Variants in BRINP1 observed in about 807,000 individuals in gnomAD.
BRINP1 encodes BMP/retinoic acid-inducible neural-specific protein 1.
A neutral mutation model predicts 72.9 loss-of-function variants in BRINP1; 17 were observed. The observed-to-expected ratio is 0.23, with a 90% CI of 0.16 to 0.35. The LOEUF is 0.35. Ranked by LOEUF, BRINP1 falls within the 10% of genes least tolerant of loss-of-function variation. The pLI is 1.00. For missense variants in BRINP1, 850 were observed against 1,001.6 expected (o/e 0.85, Z 2.04); for synonymous variants, 418 against 378.5 (o/e 1.10, Z -1.21).
chr9:119,198,172 T>C (rs971751267), intron 7 of BRINP1, among the ~76,000 whole-genome samples: 1 of 152,254 alleles, frequency 6.6e-6, no homozygotes, highest in Non-Finnish European at 1.5e-5. Flanking sequence ...TGCATTTATA[T>C]GTTTTTAAGT....
chr9:119,291,122 CA>C (rs66505860), intron 2 of BRINP1, among the ~76,000 whole-genome samples: 37,867 of 120,988 alleles, frequency 0.31, 5,636 homozygotes, highest in Non-Finnish European at 0.4. Flanking sequence ...AACTCCATCT[CA>C]AAAAAAAAAA....
intron 5 of BRINP1, among the ~76,000 whole-genome samples, chr9:119,225,316 A>G (rs925053493): frequency 9.9e-5 from 15 of 152,018 alleles, no homozygotes; most frequent in African/African-American, 3.4e-4. Flanking sequence ...TTGATTTGAA[A>G]TACAGTTATC....
chr9:119,262,706 G>C (rs1588182245), intron 2 of BRINP1, among the ~76,000 whole-genome samples: 1 of 150,016 alleles, frequency 6.7e-6, no homozygotes, highest in Non-Finnish European at 1.5e-5. Flanking sequence ...TGGACTGTGG[G>C]CACAGGCATA....
intron 6 of BRINP1, 63 bp from the exon 7 acceptor site, chr9:119,209,004 T>C: frequency 7.2e-7 from 1 of 1,385,302 alleles, no homozygotes; most frequent in Non-Finnish European, 1.0e-6. Context: ...TAAAGTGGCC[T>C]TGAATGCTTA....
At chr9:119,356,171 C>A (rs1017520507) in intron 1 of BRINP1, among the ~76,000 whole-genome samples, 2 of 152,068 alleles carry the variant, frequency 1.3e-5, no homozygotes, top group Non-Finnish European at 2.9e-5. Flanking sequence ...TGCTTGCTGT[C>A]TCCACCTGGA....
At chr9:119,206,419 CAAAAAAAAAAAAA>C (rs56106482) in intron 7 of BRINP1, among the ~76,000 whole-genome samples, 1 of 87,178 alleles carries the variant, frequency 1.1e-5, no homozygotes, top group Non-Finnish European at 2.3e-5. Context: ...GACTCCATCT[CAAAAAAAAAAAAA>C]AAAAAAAAAG....
At chr9:119,205,625 C>A (rs1260118130) in intron 7 of BRINP1, among the ~76,000 whole-genome samples, 2 of 152,068 alleles carry the variant, frequency 1.3e-5, no homozygotes, top group Admixed American at 1.3e-4. Flanking sequence ...CAGCTTTGTC[C>A]CTCCTTCTTC....
intron 2 of BRINP1, among the ~76,000 whole-genome samples, chr9:119,307,100 T>C (rs938704336): frequency 1.3e-5 from 2 of 151,928 alleles, no homozygotes; most frequent in East Asian, 1.9e-4. Flanking sequence ...CTATGCATTG[T>C]AAGGTATTTA....
chr9:119,210,889 T>C (rs1829916416), intron 6 of BRINP1, among the ~76,000 whole-genome samples: 1 of 152,120 alleles, frequency 6.6e-6, no homozygotes, highest in African/African-American at 2.4e-5. Context: ...CCTAACTAGT[T>C]CCTGAGACAC....
At chr9:119,313,780 T>C (rs143217817) in intron 1 of BRINP1, among the ~76,000 whole-genome samples, 20 of 152,158 alleles carry the variant, frequency 1.3e-4, no homozygotes, top group African/African-American at 4.6e-4. Context: ...GTTGAAAAAA[T>C]GAATAAATGA....
intron 2 of BRINP1, among the ~76,000 whole-genome samples, chr9:119,266,646 A>G (rs1184627732): frequency 6.6e-6 from 1 of 152,182 alleles, no homozygotes; most frequent in Non-Finnish European, 1.5e-5. Context: ...CCTTTTGACC[A>G]TCATCTCATT....
chr9:119,313,062 G>C, intron 2 of BRINP1, 76 bp downstream of exon 2: 1 of 1,501,372 alleles, frequency 6.7e-7, no homozygotes, highest in Non-Finnish European at 9.0e-7. Context: ...ACACAGCAAG[G>C]TTTGCACCAA....
intron 1 of BRINP1, among the ~76,000 whole-genome samples, chr9:119,341,592 C>T (rs984894612): frequency 3.9e-5 from 6 of 152,096 alleles, no homozygotes; most frequent in Admixed American, 1.3e-4. Context: ...CTACAGTGTG[C>T]GGTGATGCCA....
intron 1 of BRINP1, among the ~76,000 whole-genome samples, chr9:119,326,419 C>T (rs907746308): frequency 2.0e-5 from 3 of 152,158 alleles, no homozygotes; most frequent in South Asian, 4.2e-4. Context: ...TAGAGAAGTT[C>T]GTGGAAAACT....
At chr9:119,294,808 A>G (rs747604954) in intron 2 of BRINP1, among the ~76,000 whole-genome samples, 1 of 146,220 alleles carries the variant, frequency 6.8e-6, no homozygotes, top group Non-Finnish European at 1.5e-5. Context: ...GTGAGCCGAG[A>G]TCACACCACT....
At chr9:119,283,699 A>T (rs1236459441) in intron 2 of BRINP1, among the ~76,000 whole-genome samples, 1 of 152,062 alleles carries the variant, frequency 6.6e-6, no homozygotes, top group East Asian at 1.9e-4. Flanking sequence ...CAACCGGCTA[A>T]TTTTTGTATT....
chr9:119,249,259 C>A, intron 2 of BRINP1, 109 bp from the exon 3 acceptor site: 1 of 978,440 alleles, frequency 1.0e-6, no homozygotes, highest in Non-Finnish European at 1.5e-6. Flanking sequence ...AAAGTGCCTA[C>A]AATTTTAATA....
chr9:119,179,018 G>A (rs925999875), intron 7 of BRINP1, among the ~76,000 whole-genome samples: 4 of 152,176 alleles, frequency 2.6e-5, no homozygotes, highest in African/African-American at 9.7e-5. Flanking sequence ...CCCGACAAGT[G>A]CATAGGGGGA....
At chr9:119,234,369 G>A (rs1484548012) in intron 5 of BRINP1, among the ~76,000 whole-genome samples, 3 of 152,132 alleles carry the variant, frequency 2.0e-5, no homozygotes, top group Non-Finnish European at 2.9e-5. Context: ...CTGACTAGGA[G>A]AGTTGAGCAC....
Sources: allele counts gnomAD v4.1 joint callset (sites outside exome capture counted in the v4.1 genomes callset), GRCh38; gene constraint gnomAD v4.1.1; transcripts MANE v1.5; gene names NCBI Gene and HGNC (gene_info 2026-07-23, HGNC 2026-07-21).